Variants in DLGAP1 observed in about 807,000 individuals in gnomAD.
The protein encoded by DLGAP1 is DLG associated protein 1.
DLGAP1 carries 11 observed loss-of-function variants against 90.8 expected under a neutral mutation model. The observed-to-expected ratio is 0.12, with a 90% CI of 0.08 to 0.20. DLGAP1 has a LOEUF of 0.20. DLGAP1 is among the 10% of genes least tolerant of loss of function. The probability of loss-of-function intolerance (pLI) is 1.00; values close to 1 mark genes in which losing one functional copy is unlikely to be tolerated. For synonymous variants in DLGAP1, 558 were observed against 540.7 expected (o/e 1.03, Z -0.44); for missense variants, 1,050 against 1,333.8 (o/e 0.79, Z 3.31).
chr18:4,003,395 TC>T (rs1440289566), intron 3 of DLGAP1, among the ~76,000 whole-genome samples: 1 of 151,710 alleles, frequency 6.6e-6, no homozygotes, highest in Non-Finnish European at 1.5e-5. Flanking sequence ...GGATGTAATT[TC>T]TTTTTGGACC....
At chr18:3,580,840 G>C (rs540221801) in intron 8 of DLGAP1, 16 of 1,411,232 alleles carry the variant, frequency 1.1e-5, no homozygotes, top group Admixed American at 5.8e-5. Context: ...AAAATAAAAG[G>C]CTCTGCCCCC....
intron 2 of DLGAP1, among the ~76,000 whole-genome samples, chr18:4,057,288 T>C (rs994523516): frequency 1.3e-5 from 2 of 152,158 alleles, no homozygotes; most frequent in African/African-American, 4.8e-5. Context: ...GGAGTTGAAG[T>C]ACACCCAAGC....
intron 2 of DLGAP1, among the ~76,000 whole-genome samples, chr18:4,032,066 A>G (rs2074804932): frequency 6.6e-6 from 1 of 152,224 alleles, no homozygotes; most frequent in Non-Finnish European, 1.5e-5. Flanking sequence ...AAATAATAAT[A>G]AAAACATATT....
chr18:4,247,220 A>G (rs1428583557), intron 1 of DLGAP1, among the ~76,000 whole-genome samples: 1 of 152,224 alleles, frequency 6.6e-6, no homozygotes, highest in Non-Finnish European at 1.5e-5. Context: ...TGTGTTTCAC[A>G]CTGATGTAAG....
chr18:4,202,132 T>C (rs541344242), intron 1 of DLGAP1, among the ~76,000 whole-genome samples: 3 of 151,760 alleles, frequency 2.0e-5, no homozygotes, highest in African/African-American at 4.8e-5. Flanking sequence ...TGTGTGTGTA[T>C]ACATACGCAC....
At chr18:3,771,266 C>G (rs1187492912) in intron 5 of DLGAP1, 1 of 152,328 alleles carries the variant, frequency 6.6e-6, no homozygotes, top group Non-Finnish European at 1.5e-5. Context: ...TTGTTCTTCT[C>G]TCTTCTAACC....
chr18:4,239,217 C>A (rs2078479531), intron 1 of DLGAP1, among the ~76,000 whole-genome samples: 1 of 152,186 alleles, frequency 6.6e-6, no homozygotes, highest in Non-Finnish European at 1.5e-5. Flanking sequence ...TTGCACTTTT[C>A]AAATCTTCAG....
At chr18:4,309,844 G>T (rs2143434000) in intron 1 of DLGAP1, among the ~76,000 whole-genome samples, 1 of 152,242 alleles carries the variant, frequency 6.6e-6, no homozygotes, top group African/African-American at 2.4e-5. Context: ...AGGCTCCACA[G>T]GCTTTTTGAA....
chr18:4,194,042 CT>C (rs373843058), intron 1 of DLGAP1, among the ~76,000 whole-genome samples: 2 of 152,138 alleles, frequency 1.3e-5, no homozygotes, highest in African/African-American at 4.8e-5. Flanking sequence ...GTTACTCATC[CT>C]GTAACCCCAA....
At chr18:4,097,305 G>T (rs2075698961) in intron 2 of DLGAP1, among the ~76,000 whole-genome samples, 1 of 152,158 alleles carries the variant, frequency 6.6e-6, no homozygotes, top group African/African-American at 2.4e-5. Context: ...TGTCCTTACT[G>T]CCCCTGGCAC....
chr18:3,817,121 G>A (rs1598864196), intron 4 of DLGAP1, among the ~76,000 whole-genome samples: 2 of 9,194 alleles, frequency 2.2e-4, no homozygotes, highest in East Asian at 3.5e-3. Context: ...GTACAGCTGA[G>A]GGTCATAGAT....
At chr18:4,066,208 C>T (rs535074820) in intron 2 of DLGAP1, among the ~76,000 whole-genome samples, 3 of 152,104 alleles carry the variant, frequency 2.0e-5, no homozygotes, top group Non-Finnish European at 4.4e-5. Flanking sequence ...CATAAAAACC[C>T]TGGAAGACAA....
intron 2 of DLGAP1, among the ~76,000 whole-genome samples, chr18:4,037,695 C>T (rs1021628195): frequency 1.3e-5 from 2 of 152,134 alleles, no homozygotes; most frequent in African/African-American, 2.4e-5. Context: ...TGTGGTGGCT[C>T]ATGCCTGTAA....
intron 3 of DLGAP1, among the ~76,000 whole-genome samples, chr18:3,951,948 G>C (rs942617990): frequency 1.3e-5 from 2 of 152,132 alleles, no homozygotes; most frequent in South Asian, 2.1e-4. Context: ...TTATAGCAGT[G>C]TGAAAATGGA....
chr18:3,567,070 A>ATCATTCATTCATTCATTCAT lies in DLGAP1; in HGVS notation c.2057+419_2057+420insATGAATGAATGAATGAATGA, dbSNP rs57674058. ...CATTCATTCATTCATTCATTCATTC[A>ATCATTCATTCATTCATTCAT]TCATTCATTCATTCATCATTCATTG... On this transcript the variant is annotated intron_variant, in intron 9 of 12. Transcript: ENST00000315677. 2.4e-3 allele frequency among the ~76,000 whole-genome samples: 366 copies of ATCATTCATTCATTCATTCAT among 151,036 alleles called. 1 individual carries two copies. The highest frequency in any genetic ancestry group is 8.0e-3 in the African/African-American group (329 of 41,058).
At chr18:3,761,680 A>G (rs1229694013) in intron 5 of DLGAP1, among the ~76,000 whole-genome samples, 1 of 151,218 alleles carries the variant, frequency 6.6e-6, no homozygotes, top group African/African-American at 2.4e-5. Context: ...GGTTCAAGCT[A>G]TTCTCCTGCT....
At chr18:3,747,442 T>TAA (rs1045669256) in intron 5 of DLGAP1, among the ~76,000 whole-genome samples, 4 of 152,232 alleles carry the variant, frequency 2.6e-5, no homozygotes, top group African/African-American at 9.6e-5. Context: ...GAAGCATTTA[T>TAA]AACCTAAAGT....
chr18:3,740,928 G>A (rs369982110), intron 6 of DLGAP1, among the ~76,000 whole-genome samples: 43 of 97,684 alleles, frequency 4.4e-4, no homozygotes, highest in African/African-American at 1.6e-3. Context: ...CACCACCATG[G>A]TCATCACCAC....
intron 7 of DLGAP1, among the ~76,000 whole-genome samples, chr18:3,671,817 C>T (rs1196306520): frequency 2.0e-5 from 3 of 152,052 alleles, no homozygotes; most frequent in Non-Finnish European, 4.4e-5. Context: ...TACCCCTGCC[C>T]TCATGTAGTT....
Sources: gnomAD v4.1 joint callset for allele counts (sites outside exome capture counted in the v4.1 genomes callset) on GRCh38, gnomAD v4.1.1 for gene constraint, MANE v1.5 for transcripts, NCBI Gene and HGNC (gene_info 2026-07-23, HGNC 2026-07-21) for gene names.